The following CLCA1 variants were observed in gnomAD, a reference collection of about 807,000 sequenced individuals.
CLCA1 encodes the protein chloride channel accessory 1, also known as calcium-activated chloride channel regulator 1.
CLCA1 carries 59 observed loss-of-function variants against 85.6 expected under a neutral mutation model. The ratio of observed to expected loss-of-function variants is 0.69; its 90% CI spans 0.56 to 0.86. The LOEUF (loss-of-function observed/expected upper bound fraction) is 0.86, where lower values mean the gene tolerates loss of function less well. Ranked by LOEUF, CLCA1 falls within the 40% of genes least tolerant of loss-of-function variation. The pLI is 0.00. For synonymous variants in CLCA1, 396 were observed against 398.3 expected, an observed-to-expected ratio of 0.99 and a Z score of 0.07; for missense variants, 1,022 against 1,101.4, an observed-to-expected ratio of 0.93 and a Z score of 1.02.
At chr1:86,474,331 G>A (rs1225907433) in intron 3 of CLCA1, among the ~76,000 whole-genome samples, 1 of 152,188 alleles carries the variant, frequency 6.6e-6, no homozygotes, top group East Asian at 1.9e-4. Flanking sequence ...GAGGCGGGCG[G>A]ATCACGAGGT....
intron 9 of CLCA1, among the ~76,000 whole-genome samples, chr1:86,492,012 G>A (rs1405709973): frequency 6.9e-6 from 1 of 145,230 alleles, no homozygotes; most frequent in African/African-American, 2.5e-5. Context: ...TAAAAGTCTT[G>A]AAACTATTAA....
chr1:86,471,336 C>G (rs554310362), intron 1 of CLCA1, among the ~76,000 whole-genome samples: 14 of 152,296 alleles, frequency 9.2e-5, no homozygotes, highest in African/African-American at 3.4e-4. Context: ...TACTAGAAGT[C>G]CAGTGGTCAA....
intron 8 of CLCA1, among the ~76,000 whole-genome samples, chr1:86,490,278 T>G (rs1456417623): frequency 1.3e-5 from 2 of 152,202 alleles, no homozygotes; most frequent in Admixed American, 6.5e-5. Context: ...TGGGAAGAGA[T>G]GCACTTGGCT....
intron 3 of CLCA1, among the ~76,000 whole-genome samples, chr1:86,475,221 C>A (rs536806500): frequency 6.6e-6 from 1 of 152,236 alleles, no homozygotes; most frequent in Admixed American, 6.5e-5. Flanking sequence ...TATTGTGACT[C>A]CACTCCAACT....
intron 5 of CLCA1, among the ~76,000 whole-genome samples, chr1:86,484,756 G>C (rs920778377): frequency 6.6e-6 from 1 of 152,106 alleles, no homozygotes; most frequent in Admixed American, 6.5e-5. Flanking sequence ...GGAGGGAAAA[G>C]GTAGGAAAAC....
At chr1:86,497,472 A>G (rs1173452515) in intron 12 of CLCA1, among the ~76,000 whole-genome samples, 2 of 152,218 alleles carry the variant, frequency 1.3e-5, no homozygotes, top group African/African-American at 4.8e-5. Flanking sequence ...AAGAAAAGAG[A>G]ACCTGAGAAC....
intron 6 of CLCA1, 105 bp from the exon 7 acceptor site, chr1:86,486,421 A>G (rs1410871418): frequency 2.4e-5 from 23 of 955,516 alleles, no homozygotes; most frequent in South Asian, 1.5e-4. Flanking sequence ...GCTTATGGTC[A>G]TTTGCTCTAC....
intron 11 of CLCA1, among the ~76,000 whole-genome samples, chr1:86,494,996 A>G (rs1648235167): frequency 6.6e-6 from 1 of 151,924 alleles, no homozygotes; most frequent in Non-Finnish European, 1.5e-5. Flanking sequence ...TCTTGTCTTT[A>G]AGAAGTCTAT....
chr1:86,472,577 C>T (rs955865605), intron 1 of CLCA1, among the ~76,000 whole-genome samples: 3 of 152,196 alleles, frequency 2.0e-5, no homozygotes, highest in African/African-American at 4.8e-5. Flanking sequence ...TCTTCTATCA[C>T]TCTCCCTACT....
chr1:86,482,811 CTA>C (rs1647854735), intron 5 of CLCA1, among the ~76,000 whole-genome samples: 2 of 152,110 alleles, frequency 1.3e-5, no homozygotes, highest in Admixed American at 1.3e-4. Context: ...CTGAAATTTT[CTA>C]TCTTTTTAAG....
Position 86,482,218 on chromosome 1 carries a change from A to T in CLCA1, c.571A>T (p.Ile191Phe), listed in dbSNP as rs771303541. 5 of 1,613,558 alleles carry T rather than the reference A, an allele frequency of 3.1e-6. No individual in the cohort carries two copies. In the Admixed American group the frequency reaches 8.3e-5, roughly 27 times the overall value. The change falls in exon 5 of 14, where the codon ATT (isoleucine) becomes TTT (phenylalanine). Residue 191 changes from isoleucine to phenylalanine, a missense_variant. By Grantham distance (21) the Ile-to-Phe change is conservative. Coordinates refer to ENST00000394711, the MANE Select transcript of CLCA1 (RefSeq NM_001285.4). ...CTATATTTTCAGATGTTCAGCAGGT[A>T]TTACTGGTACAAATGTAGTAAAGAA... is the stretch of plus-strand genomic sequence containing the variant. ...RIQAVRCSAG[I>F]TGTNVVKKCQ...
Position 86,493,671 on chromosome 1 carries a change from C to T in CLCA1, c.1680+72C>T, listed in dbSNP as rs1648198656. Reference sequence around the variant, plus strand: ...TAAAGTTTTTACAGAATAATTGTAGCATTTTAAATGTTGGTGGTTGCTAAA... The same window carrying T: ...TAAAGTTTTTACAGAATAATTGTAGTATTTTAAATGTTGGTGGTTGCTAAA... On this transcript the variant is annotated intron_variant, in intron 10 of 13. Transcript: ENST00000394711. 6 of 1,199,958 alleles carry T rather than the reference C, an allele frequency of 5.0e-6. No individual in the cohort carries two copies. The South Asian group carries it at 5.4e-5, about 11-fold the overall frequency. The allele number at this position is 1,199,958 out of a possible 1,614,324, so 74.3% of individuals were successfully genotyped here. A position where few individuals can be genotyped will look rare whatever the true frequency, so the allele number is the denominator to read the frequency against.
intron 12 of CLCA1, among the ~76,000 whole-genome samples, chr1:86,497,017 C>T (rs947996421): frequency 2.6e-5 from 4 of 152,192 alleles, no homozygotes; most frequent in East Asian, 1.9e-4. Flanking sequence ...CGTAAGCCAC[C>T]GTGCCCAGCC....
rs201583357 is a variant in CLCA1, at chr1:86,485,551, G to T, written c.944G>T (p.Gly315Val). 6.3e-5 allele frequency: 101 copies of T among 1,613,920 alleles called. No individual in the cohort carries two copies. Among genetic ancestry groups the T allele is most frequent in the Non-Finnish European group, 8.1e-5 (96 of 1,179,942 alleles). Residue 315 changes from glycine to valine, a missense_variant, in exon 6 of 14, where the codon GGA becomes GTA. By Grantham distance (109) the Gly-to-Val change is moderately radical. Transcript: ENST00000394711. ...GTGTGTTTAGTCCTTGACAAATCTG[G>T]AAGCATGGCGGTATGTTCAATGAGT... ...RIVCLVLDKSGSMATGNRLNR... is the reference protein window; with the variant it reads ...RIVCLVLDKSVSMATGNRLNR...
rs558265431 is a variant in CLCA1 at position 86,478,778 on chromosome 1, C to T, written c.557+2225C>T. 6.6e-5 allele frequency among the ~76,000 whole-genome samples: 10 copies of T among 152,316 alleles called. No homozygotes were observed. The South Asian group carries it at 1.9e-3, about 28-fold the overall frequency. On this transcript the variant is annotated intron_variant, in intron 4 of 13. Coordinates refer to ENST00000394711, the MANE Select transcript of CLCA1 (RefSeq NM_001285.4). ...ACAGATAAGACATGATCGCCATGTC[C>T]TCTTTAAAACTTTTAATTTCAATAT...
Position 86,499,678 on chromosome 1 carries a change from G to A in CLCA1, c.2378G>A (p.Ser793Asn). 2 of 1,593,072 alleles carry A rather than the reference G, an allele frequency of 1.3e-6. No individual in the cohort carries two copies. Among genetic ancestry groups the A allele is most frequent in the South Asian group, 1.1e-5 (1 of 90,528 alleles). The change falls in exon 14 of 14, where the codon AGT becomes AAT. Residue 793 changes from serine to asparagine, a missense_variant. Coordinates refer to ENST00000394711, the MANE Select transcript of CLCA1 (RefSeq NM_001285.4). The part of the protein sequence containing the change: ...GTAHKYIIRI[S>N]TSILDLRDKF... ...GCTCACAAGTATATCATTCGAATAA[G>A]TACAAGTATTCTTGATCTCAGAGAC...
intron 2 of CLCA1, 43 bp from the exon 3 acceptor site, chr1:86,473,686 T>G: frequency 6.5e-7 from 1 of 1,536,612 alleles, no homozygotes; most frequent in Non-Finnish European, 8.8e-7. Flanking sequence ...TTAATTCATT[T>G]GCTGAAACTT....
At chr1:86,473,307 TTAACAAA>T in intron 1 of CLCA1, 103 bp from the exon 2 acceptor site, 1 of 749,788 alleles carries the variant, frequency 1.3e-6, no homozygotes. Context: ...TCTTCCCATC[TTAACAAA>T]TAACAAGTTT....
rs1474194329 is a variant in CLCA1 at position 86,485,445 on chromosome 1, G to A, written c.838G>A (p.Glu280Lys). The change falls in exon 6 of 14, where the codon GAG (glutamate) becomes AAG (lysine). Residue 280 changes from glutamate (E) to lysine (K), a missense_variant. Transcript: ENST00000394711. ...RSTWEVIRDS[E>K]DFKKTTPMTT... ...CACATGGGAAGTGATCCGTGATTCT[G>A]AGGACTTTAAGAAAACCACTCCTAT... 1.2e-5 allele frequency: 19 copies of A among 1,614,154 alleles called. No individual in the cohort carries two copies. The highest frequency in any genetic ancestry group is 1.6e-5 in the Non-Finnish European group (19 of 1,180,016).
Sources: allele counts gnomAD v4.1 joint callset (sites outside exome capture counted in the v4.1 genomes callset), GRCh38; gene constraint gnomAD v4.1.1; transcripts MANE v1.5; gene names NCBI Gene and HGNC (gene_info 2026-07-23, HGNC 2026-07-21).